PARD3: variants seen among roughly 807,000 people sequenced by gnomAD.
PARD3 encodes partitioning defective 3 homolog.
Under a neutral mutation model 155.4 loss-of-function variants are expected in PARD3, and 75 were observed. The ratio of observed to expected loss-of-function variants is 0.48; its 90% CI spans 0.40 to 0.58. The LOEUF (loss-of-function observed/expected upper bound fraction) is 0.58, where lower values mean the gene tolerates loss of function less well. Ranked by LOEUF, PARD3 falls within the 20% of genes least tolerant of loss-of-function variation. The pLI is 0.00. For missense variants in PARD3, 1,642 were observed against 1,721.7 expected (o/e 0.95, Z 0.82); for synonymous variants, 576 against 610.5 (o/e 0.94, Z 0.83).
intron 2 of PARD3, among the ~76,000 whole-genome samples, chr10:34,600,820 T>A (rs2089694657): frequency 6.6e-6 from 1 of 152,114 alleles, no homozygotes; most frequent in Non-Finnish European, 1.5e-5. Flanking sequence ...AGATTCTTGC[T>A]CTGTTGCTCA....
At chr10:34,463,323 G>A (rs1020493765) in intron 4 of PARD3, among the ~76,000 whole-genome samples, 2 of 111,522 alleles carry the variant, frequency 1.8e-5, no homozygotes, top group African/African-American at 6.9e-5. Flanking sequence ...AAGGGGAAAG[G>A]GAAAGGAATG....
intron 5 of PARD3, among the ~76,000 whole-genome samples, chr10:34,434,620 T>C (rs1407649343): frequency 6.6e-6 from 1 of 152,080 alleles, no homozygotes; most frequent in East Asian, 1.9e-4. Context: ...CAAAGAGATG[T>C]AAACAGGGAG....
At chr10:34,741,174 ATTTTTTTT>A (rs71033345) in intron 1 of PARD3, among the ~76,000 whole-genome samples, 1 of 114,282 alleles carries the variant, frequency 8.8e-6, no homozygotes. Flanking sequence ...CGTAAACCAA[ATTTTTTTT>A]TTTTTTTTTT....
chr10:34,672,272 T>C (rs1272535590), intron 2 of PARD3, among the ~76,000 whole-genome samples: 1 of 152,188 alleles, frequency 6.6e-6, no homozygotes, highest in East Asian at 1.9e-4. Context: ...CCCTGAAAAC[T>C]TTTAAAGCAC....
At chr10:34,807,868 C>A (rs1843603026) in intron 1 of PARD3, among the ~76,000 whole-genome samples, 1 of 151,994 alleles carries the variant, frequency 6.6e-6, no homozygotes, top group South Asian at 2.1e-4. Context: ...AAGGAATACA[C>A]AAAAGTAATA....
At chr10:34,413,144 T>TAC (rs146779470) in intron 5 of PARD3, among the ~76,000 whole-genome samples, 3,369 of 145,908 alleles carry the variant, frequency 0.023, 74 homozygotes, top group East Asian at 0.091. Context: ...CAGATATATA[T>TAC]ACACACACAC....
At chr10:34,557,043 C>T (rs972182834) in intron 2 of PARD3, among the ~76,000 whole-genome samples, 1 of 152,168 alleles carries the variant, frequency 6.6e-6, no homozygotes, top group Non-Finnish European at 1.5e-5. Context: ...CAGCCAATAG[C>T]TCAGCAATGT....
intron 5 of PARD3, among the ~76,000 whole-genome samples, chr10:34,414,251 A>T (rs1303381401): frequency 6.6e-6 from 1 of 152,066 alleles, no homozygotes; most frequent in Non-Finnish European, 1.5e-5. Flanking sequence ...GGGAGAAACA[A>T]ATATCATCAA....
intron 5 of PARD3, among the ~76,000 whole-genome samples, chr10:34,404,715 C>T (rs1844256887): frequency 2.0e-5 from 3 of 151,862 alleles, no homozygotes; most frequent in Non-Finnish European, 4.4e-5. Flanking sequence ...CTATCATTTG[C>T]CAATTTTATA....
chr10:34,384,834 A>C (rs537282272), intron 7 of PARD3, among the ~76,000 whole-genome samples: 30 of 152,356 alleles, frequency 2.0e-4, no homozygotes, highest in Non-Finnish European at 4.4e-4. Context: ...TCCCAAAAGT[A>C]AGTCATTTAT....
intron 3 of PARD3, among the ~76,000 whole-genome samples, chr10:34,513,794 G>C (rs2081545015): frequency 6.6e-6 from 1 of 152,156 alleles, no homozygotes; most frequent in African/African-American, 2.4e-5. Flanking sequence ...TGACATCTGG[G>C]CTGCAGAGTT....
chr10:34,715,573 T>C (rs2094508121), intron 1 of PARD3, among the ~76,000 whole-genome samples: 13 of 152,206 alleles, frequency 8.5e-5, no homozygotes, highest in Admixed American at 8.5e-4. Context: ...CTGGCTGAAA[T>C]GTATCTCTGC....
intron 18 of PARD3, among the ~76,000 whole-genome samples, chr10:34,333,711 A>G (rs1961978): frequency 0.54 from 82,185 of 151,822 alleles, 22,859 homozygotes; most frequent in African/African-American, 0.67. Flanking sequence ...ATTGTCTATG[A>G]CTACTTTCAT....
intron 2 of PARD3, among the ~76,000 whole-genome samples, chr10:34,572,565 T>C (rs1034220814): frequency 6.7e-6 from 1 of 149,418 alleles, no homozygotes; most frequent in Non-Finnish European, 1.5e-5. Context: ...TGCTTGAACC[T>C]GGGAGGCAGC....
At chr10:34,622,948 T>C (rs2091776410) in intron 2 of PARD3, among the ~76,000 whole-genome samples, 1 of 151,888 alleles carries the variant, frequency 6.6e-6, no homozygotes, top group Non-Finnish European at 1.5e-5. Context: ...TTTTTCCCCA[T>C]GTGTGTCTTT....
chr10:34,481,196 TTTTATTTA>T (rs141668425), intron 3 of PARD3, among the ~76,000 whole-genome samples: 3 of 150,760 alleles, frequency 2.0e-5, no homozygotes, highest in Non-Finnish European at 3.0e-5. Context: ...CCAACAGTTG[TTTTATTTA>T]TTTATTTATT....
intron 2 of PARD3, among the ~76,000 whole-genome samples, chr10:34,532,704 A>G (rs1250201840): frequency 1.3e-5 from 2 of 152,214 alleles, no homozygotes; most frequent in Admixed American, 1.3e-4. Flanking sequence ...ATCAATGAGC[A>G]TTTCCTCAAT....
intron 1 of PARD3, among the ~76,000 whole-genome samples, chr10:34,715,481 A>G (rs1564538727): frequency 6.6e-6 from 1 of 152,176 alleles, no homozygotes; most frequent in Non-Finnish European, 1.5e-5. Context: ...CTGTTGCTCA[A>G]ACTTGTTATC....
At position 34,808,941 on chromosome 10, in the gene PARD3, C is replaced by T. The variant is rs1018084855; in HGVS notation, c.120+5935G>A. The stretch of plus-strand genomic sequence containing the variant: ...ACGGAATCAGAGGCGCCAGACCAAG[C>T]ATAGGTGTGTTCCAGGGCCAGATTC... On this transcript the variant is annotated intron_variant, in intron 1 of 24. Transcript: ENST00000374788. 1.2e-4 allele frequency among the ~76,000 whole-genome samples: 18 copies of T among 152,342 alleles called. 1 individual carries two copies. The highest frequency in any genetic ancestry group is 7.8e-4 in the Admixed American group (12 of 15,298).
Sources: gnomAD v4.1 joint callset for allele counts (sites outside exome capture counted in the v4.1 genomes callset) on GRCh38, gnomAD v4.1.1 for gene constraint, MANE v1.5 for transcripts, NCBI Gene and HGNC (gene_info 2026-07-23, HGNC 2026-07-21) for gene names.